The following KCNK9 variants were observed in gnomAD, a reference collection of about 807,000 sequenced individuals.
The protein encoded by KCNK9 is potassium two pore domain channel subfamily K member 9.
Under a neutral mutation model 10.8 loss-of-function variants are expected in KCNK9, and 1 was observed. The ratio of observed to expected loss-of-function variants is 0.09; its 90% CI spans 0.03 to 0.44. KCNK9 has a LOEUF of 0.44. Among genes scored for constraint, KCNK9 ranks in the 20% least tolerant of loss-of-function variants. The pLI is 0.97. For missense variants in KCNK9, 303 were observed against 515.0 expected (o/e 0.59, Z 3.98); for synonymous variants, 231 against 222.7 (o/e 1.04, Z -0.33).
In KCNK9 at chr8:139,701,491, A is replaced by AT. The variant is rs1395179288; in HGVS notation, c.283+1218dup. Among the ~76,000 whole-genome samples the AT allele has an allele frequency of 2.6e-5, 4 of 152,182 alleles. No individual in the cohort carries two copies. In the South Asian group the frequency reaches 8.3e-4, roughly 32 times the overall value. Reference sequence around the variant, plus strand: ...GACAAAGAAAAATATCAAGAGGGAAATTAGAGGAGGAGGTCCAGAGAAGCG... The same window carrying AT: ...GACAAAGAAAAATATCAAGAGGGAAATTTAGAGGAGGAGGTCCAGAGAAGCG... On this transcript the variant is annotated intron_variant, in intron 1 of 1. Transcript: ENST00000520439.
intron 1 of KCNK9, among the ~76,000 whole-genome samples, chr8:139,658,312 A>G (rs1461061829): frequency 1.3e-5 from 2 of 152,274 alleles, no homozygotes; most frequent in Middle Eastern, 3.4e-3. Flanking sequence ...TGGGGGGACA[A>G]CCACTGCTGG....
intron 1 of KCNK9, among the ~76,000 whole-genome samples, chr8:139,630,851 A>T (rs749375067): frequency 5.3e-5 from 8 of 152,364 alleles, no homozygotes; most frequent in South Asian, 2.1e-4. Context: ...GAAACACAGA[A>T]GCCTGCAATC....
Position 139,700,520 on chromosome 8 carries a change from GCACACACACACACACA to G in KCNK9, c.283+2174_283+2189del, listed in dbSNP as rs765602878. ...CACACACACACACACGCGCGCGCGC[GCACACACACACACACA>G]CACGCGCGCACACACACACACACAC... On this transcript the variant is annotated intron_variant, in intron 1 of 1. Coordinates refer to ENST00000520439, the MANE Select transcript of KCNK9 (RefSeq NM_001282534.2). Among the ~76,000 whole-genome samples, 830 of 141,380 alleles carry G rather than the reference GCACACACACACACACA, an allele frequency of 5.9e-3. 10 individuals carry two copies. Among genetic ancestry groups the G allele is most frequent in the African/African-American group, 0.02 (743 of 37,296 alleles). 92.8% of individuals were successfully genotyped at this position (141,380 alleles called of 152,430 possible). A position where few individuals can be genotyped will look rare whatever the true frequency, so the allele number is the denominator to read the frequency against.
intron 1 of KCNK9, among the ~76,000 whole-genome samples, chr8:139,690,267 C>T (rs1435046737): frequency 6.6e-6 from 1 of 152,140 alleles, no homozygotes; most frequent in African/African-American, 2.4e-5. Context: ...CTTCTAGATC[C>T]TCATCTGTAA....
intron 1 of KCNK9, among the ~76,000 whole-genome samples, chr8:139,685,456 C>T (rs1816769402): frequency 1.3e-5 from 2 of 152,148 alleles, no homozygotes; most frequent in African/African-American, 4.8e-5. Flanking sequence ...CAACAGGCCC[C>T]AGTGTGTAAT....
chr8:139,682,578 G>A (rs537565568), intron 1 of KCNK9, among the ~76,000 whole-genome samples: 18 of 152,284 alleles, frequency 1.2e-4, no homozygotes, highest in African/African-American at 3.4e-4. Context: ...AAAGAGGGAC[G>A]GGGTGGAGAG....
At chr8:139,699,373 G>A (rs1351980000) in intron 1 of KCNK9, among the ~76,000 whole-genome samples, 2 of 152,274 alleles carry the variant, frequency 1.3e-5, no homozygotes, top group South Asian at 4.1e-4. Flanking sequence ...TCCAGACCCT[G>A]GCCCAGCACT....
chr8:139,670,120 A>C (rs1816393114), intron 1 of KCNK9, among the ~76,000 whole-genome samples: 1 of 152,234 alleles, frequency 6.6e-6, no homozygotes, highest in Non-Finnish European at 1.5e-5. Context: ...CTTGTAGAGC[A>C]CAGGCAGAGT....
chr8:139,652,021 C>T (rs1815880433), intron 1 of KCNK9, among the ~76,000 whole-genome samples: 1 of 152,282 alleles, frequency 6.6e-6, no homozygotes, highest in Admixed American at 6.5e-5. Flanking sequence ...GTCTGACATT[C>T]TTTGTGTGCC....
chr8:139,680,035 T>C (rs1361688435), intron 1 of KCNK9, among the ~76,000 whole-genome samples: 1 of 152,192 alleles, frequency 6.6e-6, no homozygotes, highest in African/African-American at 2.4e-5. Flanking sequence ...CTGGGGACCA[T>C]GGCTCCCACC....
chr8:139,675,246 G>A (rs910448132), intron 1 of KCNK9, among the ~76,000 whole-genome samples: 1 of 152,192 alleles, frequency 6.6e-6, no homozygotes, highest in African/African-American at 2.4e-5. Flanking sequence ...GGGGAGGAGG[G>A]GAGACATCCC....
In KCNK9 at chr8:139,693,430, G is replaced by C. The variant is rs1425224642; in HGVS notation, c.283+9280C>G. The stretch of plus-strand genomic sequence containing the variant: ...CCTGCACCTACCCAGTGGTCCCAAG[G>C]CACAACCAAGCAGAAAGATGTCACC... On this transcript the variant is annotated intron_variant, in intron 1 of 1. Coordinates refer to ENST00000520439, the MANE Select transcript of KCNK9 (RefSeq NM_001282534.2). This position sits in a 1 kb window ranked among gnomAD's most constrained non-coding sequence, Gnocchi z 4.1. Among the ~76,000 whole-genome samples, 2 of 151,850 alleles carry C rather than the reference G, an allele frequency of 1.3e-5. No homozygotes were observed. The highest frequency in any genetic ancestry group is 6.6e-5 in the Admixed American group (1 of 15,232).
chr8:139,640,460 C>T (rs1815469401), intron 1 of KCNK9, among the ~76,000 whole-genome samples: 1 of 152,234 alleles, frequency 6.6e-6, no homozygotes, highest in Admixed American at 6.5e-5. Flanking sequence ...AGAGAACAGC[C>T]CTGGGGTCCT....
chr8:139,699,204 A>G (rs1476051170), intron 1 of KCNK9, among the ~76,000 whole-genome samples: 1 of 152,174 alleles, frequency 6.6e-6, no homozygotes, highest in African/African-American at 2.4e-5. Flanking sequence ...CACAGATGTT[A>G]GATTGGAGAA....
Position 139,618,621 on chromosome 8 carries a change from C to T in KCNK9, c.762G>A (p.Glu254=), listed in dbSNP as rs957854978. 1 of 1,614,200 alleles carries T rather than the reference C, an allele frequency of 6.2e-7. No homozygotes were observed. The change falls in exon 2 of 2, where the codon GAG becomes GAA. Residue 254 remains glutamate (E), a synonymous_variant. Transcript: ENST00000520439. The surrounding 1 kb of genome is among the most constrained non-coding windows in gnomAD (Gnocchi z 7.9). ...ATGCCCTCTCTTCAGCATCCCGCCG[C>T]TCATCCTCACTGTTCATGGTCAAGA... The part of the protein sequence containing the change: ...LRFLTMNSED[E]RRDAEERASL...
chr8:139,602,370 TTTTC>T (rs1422336118), intron 2 of KCNK9, among the ~76,000 whole-genome samples: 1 of 152,180 alleles, frequency 6.6e-6, no homozygotes, highest in Non-Finnish European at 1.5e-5. Context: ...AAGTTCAAAT[TTTTC>T]TTTAAGACAG....
At chr8:139,640,470 T>C (rs546570874) in intron 1 of KCNK9, among the ~76,000 whole-genome samples, 6 of 152,316 alleles carry the variant, frequency 3.9e-5, no homozygotes, top group Admixed American at 3.9e-4. Flanking sequence ...CCTGGGGTCC[T>C]CCCCTAGCCA....
exon 3 of KCNK9, chr8:139,601,265 G>A (rs950405298): frequency 2.0e-5 from 3 of 152,240 alleles, no homozygotes; most frequent in African/African-American, 7.2e-5. Flanking sequence ...TTCTAGCTCT[G>A]TGGCCCGGCC....
At position 139,617,126 on chromosome 8, in the gene KCNK9, T is replaced by G. The variant is rs1469583976; in HGVS notation, c.*1132A>C. 1 of 152,198 alleles carries G rather than the reference T, an allele frequency of 6.6e-6. No homozygotes were observed. Among genetic ancestry groups the G allele is most frequent in the African/African-American group, 2.4e-5 (1 of 41,442 alleles). 9.4% of individuals were successfully genotyped at this position (152,198 alleles called of 1,614,324 possible). On this transcript the variant is annotated 3_prime_UTR_variant, in exon 2 of 2. Transcript: ENST00000520439. ...AAATGCAATTAGAGACGATATTTCT[T>G]GAAATAGATATGTATTTTTAATGAG...
Sources: gnomAD v4.1 joint callset for allele counts (sites outside exome capture counted in the v4.1 genomes callset) on GRCh38, gnomAD v4.1.1 for gene constraint, Gnocchi (gnomAD v3.1) non-coding constraint, MANE v1.5 for transcripts, NCBI Gene and HGNC (gene_info 2026-07-23, HGNC 2026-07-21) for gene names.